The following SLC41A1 variants were observed in gnomAD, a reference collection of about 807,000 sequenced individuals.
SLC41A1 encodes solute carrier family 41 (magnesium transporter), member 1.
Under a neutral mutation model 47.3 loss-of-function variants are expected in SLC41A1, and 20 were observed. The observed-to-expected ratio is 0.42, with a 90% CI of 0.30 to 0.61. SLC41A1 has a LOEUF of 0.61. Among genes scored for constraint, SLC41A1 ranks in the 20% least tolerant of loss-of-function variants. The pLI is 0.17. For synonymous variants in SLC41A1, 282 were observed against 272.7 expected (o/e 1.03, Z -0.34); for missense variants, 504 against 674.1 (o/e 0.75, Z 2.79).
Position 205,798,685 on chromosome 1 carries a change from T to A in SLC41A1, c.828A>T (p.Gly276=). 6.2e-7 allele frequency: 1 copy of A among 1,613,966 alleles called. No homozygotes were observed. Among genetic ancestry groups the A allele is most frequent in the Admixed American group, 1.7e-5 (1 of 60,010 alleles). ...TLALLSGISW[G]LYLELNHWRY... ...GTGGCTCACTCAGTTCCAGGTAGAG[T>A]CCCCAGCTGATGCCTGAGAGCAGCG... Residue 276 remains glycine (G), a synonymous_variant, in exon 6 of 11, where the codon GGA becomes GGT. Coordinates refer to ENST00000367137, the MANE Select transcript of SLC41A1 (RefSeq NM_173854.6).
intron 2 of SLC41A1, among the ~76,000 whole-genome samples, chr1:205,805,662 C>A (rs1655999650): frequency 6.6e-6 from 1 of 152,188 alleles, no homozygotes; most frequent in Non-Finnish European, 1.5e-5. Flanking sequence ...CCTTCTCTAA[C>A]CTTGGTGTGA....
chr1:205,809,396 G>A (rs544431896), intron 2 of SLC41A1, among the ~76,000 whole-genome samples: 1 of 152,214 alleles, frequency 6.6e-6, no homozygotes, highest in Non-Finnish European at 1.5e-5. Flanking sequence ...GCAAAGAGGA[G>A]AGACAGTTCT....
chr1:205,809,767 G>A (rs1656101081), intron 2 of SLC41A1, among the ~76,000 whole-genome samples: 1 of 152,016 alleles, frequency 6.6e-6, no homozygotes, highest in African/African-American at 2.4e-5. Flanking sequence ...AGGACTGCTT[G>A]GGAGAGATGG....
intron 9 of SLC41A1, 141 bp downstream of exon 9, chr1:205,795,203 G>T: frequency 6.8e-7 from 1 of 1,474,102 alleles, no homozygotes; most frequent in Non-Finnish European, 9.3e-7. Flanking sequence ...TCCTGCCTGG[G>T]CTCTGCCCTT....
chr1:205,803,273 A>G (rs1012588136), intron 2 of SLC41A1, among the ~76,000 whole-genome samples: 1 of 152,226 alleles, frequency 6.6e-6, no homozygotes, highest in Non-Finnish European at 1.5e-5. Flanking sequence ...TCCTCAAAAA[A>G]TTAAAAATAA....
intron 2 of SLC41A1, chr1:205,801,398 C>T (rs1655875615): frequency 5.8e-6 from 2 of 344,082 alleles, no homozygotes; most frequent in Non-Finnish European, 5.6e-6. Flanking sequence ...CTGCCTGACA[C>T]CCCAGAAATC....
chr1:205,794,306 CT>C (rs1238902648), intron 10 of SLC41A1, among the ~76,000 whole-genome samples: 1 of 151,904 alleles, frequency 6.6e-6, no homozygotes, highest in Non-Finnish European at 1.5e-5. Flanking sequence ...ATTTCTGAAC[CT>C]TTTTTTTGAG....
intron 1 of SLC41A1, among the ~76,000 whole-genome samples, chr1:205,812,017 A>C (rs1308455938): frequency 6.6e-6 from 1 of 152,324 alleles, no homozygotes; most frequent in South Asian, 2.1e-4. Context: ...AAAAAAACCC[A>C]AAACAAAAAC....
chr1:205,791,857 C>T lies in SLC41A1; in HGVS notation c.1357-139G>A. The T allele has an allele frequency of 9.4e-7, 1 of 1,068,598 alleles. No individual in the cohort carries two copies. The highest frequency in any genetic ancestry group is 1.4e-6 in the Non-Finnish European group (1 of 716,392). 66.2% of individuals were successfully genotyped at this position (1,068,598 alleles called of 1,614,324 possible). ...ACTTTTTAATCTTCCTCTTTCCACC[C>T]CAGCAACCTCTCTGTGTTTCTCCAC... On this transcript the variant is annotated intron_variant, in intron 10 of 10. Coordinates refer to ENST00000367137, the MANE Select transcript of SLC41A1 (RefSeq NM_173854.6). This position sits in a 1 kb window ranked among gnomAD's most constrained non-coding sequence, Gnocchi z 4.0.
intron 2 of SLC41A1, among the ~76,000 whole-genome samples, chr1:205,802,961 G>C (rs907870193): frequency 2.0e-5 from 3 of 152,138 alleles, no homozygotes; most frequent in African/African-American, 7.2e-5. Context: ...TTGAGGTCAG[G>C]AGTTGGAGAC....
Position 205,810,639 on chromosome 1 carries a change from C to G in SLC41A1, c.-198G>C. On this transcript the variant is annotated 5_prime_UTR_variant, in exon 2 of 11. Transcript: ENST00000367137. This position sits in a 1 kb window ranked among gnomAD's most constrained non-coding sequence, Gnocchi z 5.5. ...CAGGCAGCCCCATCAAGCACTGAAG[C>G]CGCAAGCTGGGAAGAAACAAGAAAT... 1 of 756,946 alleles carries G rather than the reference C, an allele frequency of 1.3e-6. No individual in the cohort carries two copies. The highest frequency in any genetic ancestry group is 2.8e-5 in the Admixed American group (1 of 36,280). The allele number at this position is 756,946 out of a possible 1,614,324, so 46.9% of individuals were successfully genotyped here.
At chr1:205,809,182 T>C (rs1656083860) in intron 2 of SLC41A1, among the ~76,000 whole-genome samples, 1 of 152,260 alleles carries the variant, frequency 6.6e-6, no homozygotes, top group African/African-American at 2.4e-5. Flanking sequence ...TGTGCCACAC[T>C]GTGCCTAAAA....
At position 205,810,102 on chromosome 1, in the gene SLC41A1, C is replaced by T. The variant is rs772224309; in HGVS notation, c.340G>A (p.Val114Met). 4 of 1,614,200 alleles carry T rather than the reference C, an allele frequency of 2.5e-6. No homozygotes were observed. The highest frequency in any genetic ancestry group is 2.2e-5 in the South Asian group (2 of 91,086). ...ATGTCCAACACCATGCCAGCAGCCA[C>T]GGTCCCAAAGCCTGCCAGGAGGAAT... ...FPFLLAGFGT[V>M]AAGMVLDIVQ... Residue 114 changes from valine to methionine, a missense_variant, in exon 2 of 11, where the codon GTG becomes ATG. This residue lies in a region of SLC41A1 where 421 missense variants were observed against 601.6 expected (regional missense o/e 0.70). Coordinates refer to ENST00000367137, the MANE Select transcript of SLC41A1 (RefSeq NM_173854.6). The surrounding 1 kb of genome is among the most constrained non-coding windows in gnomAD (Gnocchi z 5.5).
intron 3 of SLC41A1, among the ~76,000 whole-genome samples, chr1:205,800,622 G>C (rs537268931): frequency 2.0e-5 from 3 of 152,224 alleles, no homozygotes; most frequent in Non-Finnish European, 4.4e-5. Flanking sequence ...CATCTGTGCG[G>C]GTGGAGGAAC....
In SLC41A1 at chr1:205,810,464, G is replaced by A; in HGVS notation, c.-23C>T. 1 of 1,614,104 alleles carries A rather than the reference G, an allele frequency of 6.2e-7. No individual in the cohort carries two copies. The highest frequency in any genetic ancestry group is 8.5e-7 in the Non-Finnish European group (1 of 1,180,032). ...CATGACAGGCACGGAGGAGGGGAAG[G>A]GAGAACTTTCCTCTCTTCTTTTTGC... On this transcript the variant is annotated 5_prime_UTR_variant, in exon 2 of 11. Transcript: ENST00000367137. This position sits in a 1 kb window ranked among gnomAD's most constrained non-coding sequence, Gnocchi z 5.5.
chr1:205,800,858 G>A (rs1176463402), intron 3 of SLC41A1, 95 bp downstream of exon 3: 1 of 1,170,188 alleles, frequency 8.5e-7, no homozygotes, highest in South Asian at 1.2e-5. Context: ...CCAGGCCTGG[G>A]CAGTGGAGAA....
chr1:205,790,430 T>C lies in SLC41A1; in HGVS notation c.*1103A>G, dbSNP rs1655599037. The stretch of plus-strand genomic sequence containing the variant: ...TTGCGGAGGCTGCATATTTGCTAAA[T>C]GAACGAATAAATGATTGGTGAATGT... On this transcript the variant is annotated 3_prime_UTR_variant, in exon 11 of 11. Coordinates refer to ENST00000367137, the MANE Select transcript of SLC41A1 (RefSeq NM_173854.6). 6.6e-6 allele frequency: 1 copy of C among 152,198 alleles called. No individual in the cohort carries two copies. Among genetic ancestry groups the C allele is most frequent in the Admixed American group, 6.5e-5 (1 of 15,286 alleles). 9.4% of individuals were successfully genotyped at this position (152,198 alleles called of 1,614,324 possible). A position where few individuals can be genotyped will look rare whatever the true frequency, so the allele number is the denominator to read the frequency against.
chr1:205,799,906 A>AATG, intron 3 of SLC41A1, 76 bp from the exon 4 acceptor site: 7 of 1,271,748 alleles, frequency 5.5e-6, no homozygotes, highest in Non-Finnish European at 8.0e-6. Flanking sequence ...GCTCCTGCCT[A>AATG]GATCATGAGG....
At position 205,790,459 on chromosome 1, in the gene SLC41A1, T is replaced by A. The variant is rs984354495; in HGVS notation, c.*1074A>T. 3 of 152,212 alleles carry A rather than the reference T, an allele frequency of 2.0e-5. No individual in the cohort carries two copies. Among genetic ancestry groups the A allele is most frequent in the Non-Finnish European group, 2.9e-5 (2 of 68,036 alleles). The allele number at this position is 152,212 out of a possible 1,614,324, so 9.4% of individuals were successfully genotyped here. A position where few individuals can be genotyped will look rare whatever the true frequency, so the allele number is the denominator to read the frequency against. Reference sequence around the variant, plus strand: ...CGAATAAATGATTGGTGAATGTTTGTGGGTAGAAGCCAAGAAAGAGGAAAA... The same window carrying A: ...CGAATAAATGATTGGTGAATGTTTGAGGGTAGAAGCCAAGAAAGAGGAAAA... On this transcript the variant is annotated 3_prime_UTR_variant, in exon 11 of 11. Coordinates refer to ENST00000367137, the MANE Select transcript of SLC41A1 (RefSeq NM_173854.6).
Sources: allele counts gnomAD v4.1 joint callset (sites outside exome capture counted in the v4.1 genomes callset), GRCh38; gene constraint gnomAD v4.1.1; regional missense constraint gnomAD v4.1.1; non-coding constraint Gnocchi (gnomAD v3.1); transcripts MANE v1.5; gene names NCBI Gene and HGNC (gene_info 2026-07-23, HGNC 2026-07-21).